The following ARHGAP10 variants were observed in gnomAD, a reference collection of about 807,000 sequenced individuals.
ARHGAP10 encodes the protein Rho GTPase activating protein 10, also known as rho GTPase-activating protein 10.
ARHGAP10 carries 87 observed loss-of-function variants against 108.6 expected under a neutral mutation model. That is an observed-to-expected ratio of 0.80 (90% CI 0.67 to 0.96). The LOEUF is 0.96. ARHGAP10 is among the 40% of genes least tolerant of loss of function. ARHGAP10 has a pLI of 0.00. For missense variants in ARHGAP10, 939 were observed against 954.5 expected (o/e 0.98, Z 0.21); for synonymous variants, 347 against 341.1 (o/e 1.02, Z -0.19).
At chr4:147,913,758 T>G (rs886293811) in intron 13 of ARHGAP10, among the ~76,000 whole-genome samples, 9 of 152,292 alleles carry the variant, frequency 5.9e-5, no homozygotes, top group African/African-American at 2.2e-4. Flanking sequence ...ATAAGAATCC[T>G]TAGAAGAATC....
chr4:147,879,237 G>A lies in ARHGAP10; in HGVS notation c.838G>A (p.Ala280Thr). Reference protein sequence around the residue: ...GYLYVQEKRPAPFGSSWVKHY... With the variant: ...GYLYVQEKRPTPFGSSWVKHY... ...GGGCTGTTTTTTTGTTGAAGGGCCT[G>A]CTCCGTTTGGTTCCAGTTGGGTCAA... Residue 280 changes from alanine (A) to threonine (T), a missense_variant, in exon 9 of 23, where the codon GCT becomes ACT. Coordinates refer to ENST00000336498, the MANE Select transcript of ARHGAP10 (RefSeq NM_024605.4). 6.2e-7 allele frequency: 1 copy of A among 1,612,440 alleles called. No homozygotes were observed. The highest frequency in any genetic ancestry group is 8.5e-7 in the Non-Finnish European group (1 of 1,179,478).
chr4:147,802,511 C>T (rs929491130), intron 1 of ARHGAP10, among the ~76,000 whole-genome samples: 16 of 152,210 alleles, frequency 1.1e-4, no homozygotes, highest in African/African-American at 3.6e-4. Flanking sequence ...GGGCAGGGCC[C>T]CCTTTGGACC....
At chr4:147,996,388 C>T (rs780206638) in intron 18 of ARHGAP10, among the ~76,000 whole-genome samples, 1 of 152,146 alleles carries the variant, frequency 6.6e-6, no homozygotes, top group Non-Finnish European at 1.5e-5. Context: ...TGTTTCCTAC[C>T]CTCATAACTT....
At position 147,932,815 on chromosome 4, in the gene ARHGAP10, A is replaced by G. The variant is rs181756750; in HGVS notation, c.1229-7010A>G. On this transcript the variant is annotated intron_variant, in intron 13 of 22. Coordinates refer to ENST00000336498, the MANE Select transcript of ARHGAP10 (RefSeq NM_024605.4). The stretch of plus-strand genomic sequence containing the variant: ...ACCTCTGAACTTAAAAGTTGGAGAT[A>G]AAAAATGGAAAAAACAATAAAAAGG... 6.6e-5 allele frequency among the ~76,000 whole-genome samples: 10 copies of G among 152,314 alleles called. No individual in the cohort carries two copies. The East Asian group carries it at 1.5e-3, about 23-fold the overall frequency.
At position 147,866,495 on chromosome 4, in the gene ARHGAP10, G is replaced by T. The variant is rs567745558; in HGVS notation, c.598-217G>T. On this transcript the variant is annotated intron_variant, in intron 6 of 22. Transcript: ENST00000336498. ...AACATGCCATATAAGCTGTCTAATG[G>T]CTGTGATATTTAAGGGAAAAAAGCA... 442 of 478,800 alleles carry T rather than the reference G, an allele frequency of 9.2e-4. 1 individual carries two copies. The highest frequency in any genetic ancestry group is 1.7e-3 in the Middle Eastern group (3 of 1,808). 29.7% of individuals were successfully genotyped at this position (478,800 alleles called of 1,614,324 possible). A position where few individuals can be genotyped will look rare whatever the true frequency, so the allele number is the denominator to read the frequency against.
intron 16 of ARHGAP10, among the ~76,000 whole-genome samples, chr4:147,964,426 G>A (rs1739127192): frequency 1.3e-5 from 2 of 152,176 alleles, no homozygotes; most frequent in African/African-American, 4.8e-5. Context: ...ACGTGGCTGT[G>A]CACAACATGC....
intron 18 of ARHGAP10, among the ~76,000 whole-genome samples, chr4:148,006,228 A>G (rs1316583236): frequency 6.6e-6 from 1 of 152,180 alleles, no homozygotes; most frequent in Admixed American, 6.5e-5. Context: ...TAGAGAGGCT[A>G]CAGAGACGGG....
At chr4:147,806,064 T>C (rs528900763) in intron 1 of ARHGAP10, among the ~76,000 whole-genome samples, 87 of 152,272 alleles carry the variant, frequency 5.7e-4, no homozygotes, top group African/African-American at 2.0e-3. Flanking sequence ...TTTAAGCCTT[T>C]TGTTTATATT....
At position 147,732,328 on chromosome 4, in the gene ARHGAP10, C is replaced by CT; in HGVS notation, c.27_28insT (p.Asp10Ter). ...TGGGGCTGCAGCCCCTGGAGTTCAG[C>CT]GACTGCTACCTCGACAGCCCGTGGT... On this transcript the variant is annotated frameshift_variant, in exon 1 of 23. Transcript: ENST00000336498. LOFTEE classifies it high-confidence loss of function. 6.2e-7 allele frequency: 1 copy of CT among 1,612,856 alleles called. No homozygotes were observed. Among genetic ancestry groups the CT allele is most frequent in the Non-Finnish European group, 8.5e-7 (1 of 1,179,438 alleles).
In ARHGAP10 at chr4:147,784,293, A is replaced by G. The variant is rs1405897436; in HGVS notation, c.155-38434A>G. 6.7e-5 allele frequency among the ~76,000 whole-genome samples: 8 copies of G among 119,216 alleles called. No homozygotes were observed. In the South Asian group the frequency reaches 2.4e-3, roughly 36 times the overall value. 78.2% of individuals were successfully genotyped at this position (119,216 alleles called of 152,430 possible). On this transcript the variant is annotated intron_variant, in intron 1 of 22. Coordinates refer to ENST00000336498, the MANE Select transcript of ARHGAP10 (RefSeq NM_024605.4). ...AATTTACATAACATTAAATTATATAATTTACATAACATTAAATTTTATATT... is the reference window on the plus strand; with the variant it reads ...AATTTACATAACATTAAATTATATAGTTTACATAACATTAAATTTTATATT...
intron 22 of ARHGAP10, 95 bp downstream of exon 22, chr4:148,064,602 G>A: frequency 1.8e-6 from 2 of 1,115,444 alleles, no homozygotes; most frequent in Non-Finnish European, 2.6e-6. Context: ...GCTGTTGTCG[G>A]GAGGGCGAGT....
intron 18 of ARHGAP10, among the ~76,000 whole-genome samples, chr4:147,978,308 T>C (rs964025231): frequency 6.6e-6 from 1 of 152,144 alleles, no homozygotes; most frequent in African/African-American, 2.4e-5. Flanking sequence ...AAGCATTCCC[T>C]TTTTTTCCCA....
chr4:147,732,186 G>A lies in ARHGAP10; in HGVS notation c.-116G>A, dbSNP rs1291263587. On this transcript the variant is annotated 5_prime_UTR_variant, in exon 1 of 23. Transcript: ENST00000336498. ...CGTGCCGCGCTCGCCGCGCGCCCGGGCCTGCTAGCTCCTCTGTGCTCCCTG... is the reference window on the plus strand; with the variant it reads ...CGTGCCGCGCTCGCCGCGCGCCCGGACCTGCTAGCTCCTCTGTGCTCCCTG... 2 of 1,082,918 alleles carry A rather than the reference G, an allele frequency of 1.8e-6. No individual in the cohort carries two copies. Among genetic ancestry groups the A allele is most frequent in the South Asian group, 2.5e-5 (1 of 40,812 alleles). 67.1% of individuals were successfully genotyped at this position (1,082,918 alleles called of 1,614,324 possible).
At chr4:147,765,285 A>G (rs1326669554) in intron 1 of ARHGAP10, among the ~76,000 whole-genome samples, 2 of 145,264 alleles carry the variant, frequency 1.4e-5, no homozygotes, top group Non-Finnish European at 3.0e-5. Flanking sequence ...CTGGAAATAT[A>G]AAGTACACAT....
chr4:147,971,093 C>CA (rs59721708), intron 18 of ARHGAP10, among the ~76,000 whole-genome samples: 9,352 of 73,396 alleles, frequency 0.13, 626 homozygotes, highest in Non-Finnish European at 0.18. Flanking sequence ...GACTCTGTCT[C>CA]AAAAAAAAAA....
At chr4:147,947,306 TAAAAG>T (rs1434537602) in intron 15 of ARHGAP10, among the ~76,000 whole-genome samples, 3 of 151,150 alleles carry the variant, frequency 2.0e-5, no homozygotes, top group Admixed American at 6.6e-5. Context: ...TATAGACAGT[TAAAAG>T]AAAATGAAAA....
At chr4:147,823,067 T>A in intron 3 of ARHGAP10, 110 bp downstream of exon 3, 1 of 1,101,114 alleles carries the variant, frequency 9.1e-7, no homozygotes, top group Non-Finnish European at 1.3e-6. Context: ...CTGGGTACAG[T>A]AGTGCATTGT....
At chr4:148,018,813 A>G (rs1741452081) in intron 18 of ARHGAP10, among the ~76,000 whole-genome samples, 1 of 152,218 alleles carries the variant, frequency 6.6e-6, no homozygotes, top group African/African-American at 2.4e-5. Context: ...TGACTTTGGA[A>G]TGAAAGCCAA....
intron 1 of ARHGAP10, among the ~76,000 whole-genome samples, chr4:147,772,965 C>T (rs1730136552): frequency 6.6e-6 from 1 of 152,088 alleles, no homozygotes; most frequent in South Asian, 2.1e-4. Flanking sequence ...TTAGGTGGAA[C>T]TCTTTTGGAA....
Sources: allele counts gnomAD v4.1 joint callset (sites outside exome capture counted in the v4.1 genomes callset), GRCh38; gene constraint gnomAD v4.1.1; transcripts MANE v1.5; gene names NCBI Gene and HGNC (gene_info 2026-07-23, HGNC 2026-07-21).